Variants in CAPN3 observed in about 807,000 individuals in gnomAD.
CAPN3 encodes calpain-3.
Under a neutral mutation model 114.0 loss-of-function variants are expected in CAPN3, and 88 were observed. That is an observed-to-expected ratio of 0.77 (90% confidence interval 0.65 to 0.92). The LOEUF is 0.92. CAPN3 is among the 40% of genes least tolerant of loss of function. CAPN3 has a pLI of 0.00. For synonymous variants in CAPN3, 386 were observed against 382.9 expected, an observed-to-expected ratio of 1.01 and a Z score of -0.09; for missense variants, 1,028 against 1,069.0, an observed-to-expected ratio of 0.96 and a Z score of 0.53.
At chr15:42,391,544 C>T (rs919013706) in intron 6 of CAPN3, among the ~76,000 whole-genome samples, 1 of 152,148 alleles carries the variant, frequency 6.6e-6, no homozygotes, top group African/African-American at 2.4e-5. Context: ...CCATACCCCT[C>T]GCCCTGAAAA....
chr15:42,388,850 A>T, intron 4 of CAPN3, 78 bp from the exon 5 acceptor site: 1 of 1,185,514 alleles, frequency 8.4e-7, no homozygotes, highest in South Asian at 1.2e-5. Flanking sequence ...CAAGAGGTAA[A>T]GTTCTGGTGG....
rs28364398 is a variant in CAPN3, at chr15:42,386,317, A to C, written c.498+32A>C. 5,519 of 1,469,384 alleles carry C rather than the reference A, an allele frequency of 3.8e-3. 143 individuals carry two copies. The African/African-American group carries it at 0.061, about 16-fold the overall frequency. 91.0% of individuals were successfully genotyped at this position (1,469,384 alleles called of 1,614,324 possible). On this transcript the variant is annotated intron_variant, in intron 3 of 23. Coordinates refer to ENST00000397163, the MANE Select transcript of CAPN3 (RefSeq NM_000070.3). ...TAATGAGAGTGTAGTTAAGAGGGCC[A>C]GCGGCAGGCCACCCACCGCTGGTCT...
intron 1 of CAPN3, among the ~76,000 whole-genome samples, chr15:42,370,986 C>A (rs1200123855): frequency 6.6e-6 from 1 of 152,130 alleles, no homozygotes; most frequent in African/African-American, 2.4e-5. Context: ...AAATTATTGA[C>A]CATTCCGAGG....
intron 1 of CAPN3, among the ~76,000 whole-genome samples, chr15:42,372,575 C>T (rs1422483472): frequency 2.0e-5 from 3 of 152,112 alleles, no homozygotes; most frequent in Non-Finnish European, 2.9e-5. Context: ...TTCACCCAGG[C>T]GGTGGCTCAC....
chr15:42,407,495 A>AT (rs777507357), intron 15 of CAPN3, among the ~76,000 whole-genome samples: 17 of 152,012 alleles, frequency 1.1e-4, no homozygotes, highest in Non-Finnish European at 2.1e-4. Context: ...CACCCAGCTA[A>AT]TTTTTTTGTA....
chr15:42,387,989 G>C, intron 4 of CAPN3, 103 bp downstream of exon 4: 1 of 1,369,662 alleles, frequency 7.3e-7, no homozygotes, highest in Middle Eastern at 2.1e-4. Context: ...GCCTCTATAC[G>C]TGCATATGTG....
intron 6 of CAPN3, among the ~76,000 whole-genome samples, 169 bp downstream of exon 6, chr15:42,390,265 G>A (rs933393545): frequency 6.6e-6 from 1 of 152,048 alleles, no homozygotes; most frequent in African/African-American, 2.4e-5. Flanking sequence ...TCCTGAAGAG[G>A]GTGCAAGAAC....
At chr15:42,379,474 A>G (rs1407389676) in intron 1 of CAPN3, among the ~76,000 whole-genome samples, 1 of 152,182 alleles carries the variant, frequency 6.6e-6, no homozygotes, top group Non-Finnish European at 1.5e-5. Context: ...TGTTCAGGTC[A>G]ACAATATCCT....
chr15:42,384,689 T>A (rs1025734537), intron 2 of CAPN3, 137 bp downstream of exon 2: 2 of 711,554 alleles, frequency 2.8e-6, no homozygotes, highest in Admixed American at 4.0e-5. Flanking sequence ...AACAGTTGCT[T>A]TATGGTCGTT....
chr15:42,401,481 C>A (rs746520832), intron 10 of CAPN3, among the ~76,000 whole-genome samples, 160 bp from the exon 11 acceptor site: 5 of 131,212 alleles, frequency 3.8e-5, no homozygotes, highest in African/African-American at 5.5e-5. Flanking sequence ...GCGCCCCCCC[C>A]CCCCCCAAAT....
chr15:42,369,181 T>G (rs922019038), intron 1 of CAPN3, among the ~76,000 whole-genome samples: 3 of 152,112 alleles, frequency 2.0e-5, no homozygotes, highest in African/African-American at 2.4e-5. Flanking sequence ...GGAGGTTATC[T>G]TGGGGCTGGC....
chr15:42,376,863 G>T lies in CAPN3; in HGVS notation c.310-7620G>T, dbSNP rs146132903. ...TAAATATTTCTATATAAAGCCATTT[G>T]TATCTATACTAAGCTAAACATGAGT... On this transcript the variant is annotated intron_variant, in intron 1 of 23. Coordinates refer to ENST00000397163, the MANE Select transcript of CAPN3 (RefSeq NM_000070.3). Among the ~76,000 whole-genome samples, 246 of 152,252 alleles carry T rather than the reference G, an allele frequency of 1.6e-3. 1 individual carries two copies. Among genetic ancestry groups the T allele is most frequent in the African/African-American group, 4.9e-3 (202 of 41,554 alleles).
In CAPN3 at chr15:42,385,035, C is replaced by T. The variant is rs367697953; in HGVS notation, c.379+483C>T. 7.9e-5 allele frequency among the ~76,000 whole-genome samples: 12 copies of T among 152,348 alleles called. No homozygotes were observed. The East Asian group carries it at 1.5e-3, about 20-fold the overall frequency. ...AGAGTCTTTCCACAAAGATGGCATCCGCCATGTGGATGAGCATCCAATTTT... is the reference window on the plus strand; with the variant it reads ...AGAGTCTTTCCACAAAGATGGCATCTGCCATGTGGATGAGCATCCAATTTT... On this transcript the variant is annotated intron_variant, in intron 2 of 23. Coordinates refer to ENST00000397163, the MANE Select transcript of CAPN3 (RefSeq NM_000070.3).
At position 42,401,817 on chromosome 15, in the gene CAPN3, A is replaced by C. The variant is rs776262278; in HGVS notation, c.1524+7A>C. ...TGGCTTCGCCATCTACGAGGTGTGC[A>C]GTCCTGATTGGCTCCAGCCCAGGAA... is the stretch of plus-strand genomic sequence containing the variant. On this transcript the variant is annotated splice_region_variant and intron_variant, in intron 11 of 23. Coordinates refer to ENST00000397163, the MANE Select transcript of CAPN3 (RefSeq NM_000070.3). 1.9e-6 allele frequency: 3 copies of C among 1,611,800 alleles called. No individual in the cohort carries two copies. Among genetic ancestry groups the C allele is most frequent in the Non-Finnish European group, 2.5e-6 (3 of 1,178,872 alleles).
At chr15:42,397,183 G>A (rs2053719464) in intron 9 of CAPN3, among the ~76,000 whole-genome samples, 11 of 152,174 alleles carry the variant, frequency 7.2e-5, no homozygotes, top group Admixed American at 5.2e-4. Context: ...AGCCTAGGAA[G>A]CTCCACTTAC....
chr15:42,401,729 G>C lies in CAPN3; in HGVS notation c.1443G>C (p.Leu481=), dbSNP rs941012884. The change falls in exon 11 of 24, where the codon CTG becomes CTC. Residue 481 remains leucine, a synonymous_variant. Transcript: ENST00000397163. ...PDDSEVICSF[L]VALMQKNRRK... ...ACTCGGAGGTGATTTGCAGCTTCCT[G>C]GTGGCCCTGATGCAGAAGAACCGGC... 6.2e-7 allele frequency: 1 copy of C among 1,614,076 alleles called. No homozygotes were observed. The highest frequency in any genetic ancestry group is 8.5e-7 in the Non-Finnish European group (1 of 1,180,036).
chr15:42,376,177 G>A (rs1455623213), intron 1 of CAPN3, among the ~76,000 whole-genome samples: 1 of 152,152 alleles, frequency 6.6e-6, no homozygotes, highest in African/African-American at 2.4e-5. Context: ...TTGGTCATGT[G>A]GCTGAAGTAG....
intron 4 of CAPN3, 113 bp downstream of exon 4, chr15:42,387,999 G>A (rs2141165390): frequency 7.7e-7 from 1 of 1,306,180 alleles, no homozygotes; most frequent in Non-Finnish European, 1.1e-6. Context: ...GTGCATATGT[G>A]TGGGCATGCA....
At chr15:42,410,349 C>A in intron 19 of CAPN3, 79 bp from the exon 20 acceptor site, 1 of 1,282,700 alleles carries the variant, frequency 7.8e-7, no homozygotes, top group Non-Finnish European at 1.1e-6. Context: ...GGTAGGACAG[C>A]CCGGAGTCTC....
Sources: allele counts gnomAD v4.1 joint callset (sites outside exome capture counted in the v4.1 genomes callset), GRCh38; gene constraint gnomAD v4.1.1; transcripts MANE v1.5; gene names NCBI Gene and HGNC (gene_info 2026-07-23, HGNC 2026-07-21).